The following ZSCAN25 variants were observed in gnomAD, a reference collection of about 807,000 sequenced individuals.
ZSCAN25 encodes zinc finger and SCAN domain-containing protein 25.
In ZSCAN25, 27 loss-of-function variants were observed where a neutral mutation model predicts 38.7. The observed-to-expected ratio is 0.70, with a 90% CI of 0.51 to 0.96. The LOEUF is 0.96. ZSCAN25 is among the 40% of genes least tolerant of loss of function. The pLI is 0.00. For synonymous variants in ZSCAN25, 273 were observed against 277.7 expected (o/e 0.98, Z 0.17); for missense variants, 637 against 705.9 (o/e 0.90, Z 1.11).
chr7:99,720,626 CA>C, the ZSCAN25 span: 1 of 506,294 alleles, frequency 2.0e-6, no homozygotes, highest in South Asian at 2.5e-5. Context: ...TAATGTGGGC[CA>C]AACAGGGAAG....
the ZSCAN25 span, among the ~76,000 whole-genome samples, chr7:99,664,499 T>G: frequency 1.1e-4 from 17 of 152,276 alleles, no homozygotes; most frequent in Admixed American, 3.9e-4. Context: ...TTCCATGGAA[T>G]AAAACTAGAA....
chr7:99,696,329 T>C, the ZSCAN25 span, among the ~76,000 whole-genome samples: 1 of 152,128 alleles, frequency 6.6e-6, no homozygotes, highest in South Asian at 2.1e-4. Context: ...ATGGTGACCA[T>C]GTCTTTAGAA....
At chr7:99,735,640 C>T in the ZSCAN25 span, among the ~76,000 whole-genome samples, 2 of 152,186 alleles carry the variant, frequency 1.3e-5, no homozygotes, top group Admixed American at 1.3e-4. Context: ...AGAGTCTTTC[C>T]TCACCAACCC....
the ZSCAN25 span, chr7:99,670,923 T>G: frequency 2.0e-5 from 3 of 152,166 alleles, no homozygotes; most frequent in African/African-American, 7.2e-5. Flanking sequence ...TCTTTTATAA[T>G]AAAAAATATC....
At chr7:99,673,815 G>A in the ZSCAN25 span, among the ~76,000 whole-genome samples, 1 of 152,322 alleles carries the variant, frequency 6.6e-6, no homozygotes, top group South Asian at 2.1e-4. Context: ...AAGAAGAGGG[G>A]AATAGGCAGA....
the ZSCAN25 span, among the ~76,000 whole-genome samples, chr7:99,734,044 G>A: frequency 2.0e-5 from 3 of 152,228 alleles, no homozygotes; most frequent in East Asian, 3.9e-4. Context: ...TTATCACTCA[G>A]AAGGAACATG....
chr7:99,693,393 T>G, the ZSCAN25 span, among the ~76,000 whole-genome samples: 2 of 152,198 alleles, frequency 1.3e-5, no homozygotes, highest in African/African-American at 2.4e-5. Context: ...TTCTCAGAGC[T>G]CGAATACCGT....
chr7:99,630,495 A>T lies in ZSCAN25; in HGVS notation c.*475A>T. 1 of 996,942 alleles carries T rather than the reference A, an allele frequency of 1.0e-6. No individual in the cohort carries two copies. Among genetic ancestry groups the T allele is most frequent in the Non-Finnish European group, 1.2e-6 (1 of 837,028 alleles). The allele number at this position is 996,942 out of a possible 1,614,324, so 61.8% of individuals were successfully genotyped here. ...ACCTGGCCGTGGGAATGCCGTGGTG[A>T]ATGAGAGACTAGACGTGATGCCTCT... is the stretch of plus-strand genomic sequence containing the variant. On this transcript the variant is annotated 3_prime_UTR_variant, in exon 8 of 8. Transcript: ENST00000394152.
At chr7:99,658,595 G>A in the ZSCAN25 span, among the ~76,000 whole-genome samples, 16 of 152,070 alleles carry the variant, frequency 1.1e-4, no homozygotes, top group African/African-American at 2.9e-4. Context: ...TCTTTGTGGC[G>A]TTCTCTGTAT....
the ZSCAN25 span, among the ~76,000 whole-genome samples, chr7:99,734,731 C>T: frequency 6.6e-6 from 1 of 151,550 alleles, no homozygotes; most frequent in Non-Finnish European, 1.5e-5. Flanking sequence ...AAGCAATTCT[C>T]CTGCCTCAGC....
intron 5 of ZSCAN25, 41 bp from the exon 6 acceptor site, chr7:99,622,508 T>C (rs1454979257): frequency 6.3e-7 from 1 of 1,590,626 alleles, no homozygotes. Flanking sequence ...ATAACATCAC[T>C]GATCCTTCTG....
At chr7:99,673,923 C>G in the ZSCAN25 span, among the ~76,000 whole-genome samples, 2 of 152,148 alleles carry the variant, frequency 1.3e-5, no homozygotes, top group African/African-American at 4.8e-5. Context: ...CTGAAGACCT[C>G]GATACCTGGT....
At chr7:99,638,825 C>T in the ZSCAN25 span, 33 of 700,770 alleles carry the variant, frequency 4.7e-5, 1 homozygote, top group Middle Eastern at 7.5e-4. Context: ...CAGCCAACAA[C>T]GCCGCCGCCG....
chr7:99,707,109 A>G, the ZSCAN25 span, among the ~76,000 whole-genome samples: 4 of 152,204 alleles, frequency 2.6e-5, no homozygotes, highest in African/African-American at 9.6e-5. Flanking sequence ...AAAGATAAGA[A>G]CAGAATGAGG....
At chr7:99,736,407 A>C in the ZSCAN25 span, among the ~76,000 whole-genome samples, 1 of 152,280 alleles carries the variant, frequency 6.6e-6, no homozygotes, top group South Asian at 2.1e-4. Context: ...AGGATTTTCT[A>C]ATGGGAGGAG....
At chr7:99,620,095 G>T in intron 4 of ZSCAN25, 102 bp downstream of exon 4, 1 of 1,430,410 alleles carries the variant, frequency 7.0e-7, no homozygotes. Flanking sequence ...GAGGTGTGGA[G>T]CCGCCCTCCT....
chr7:99,687,781 G>C, the ZSCAN25 span, among the ~76,000 whole-genome samples: 3 of 152,152 alleles, frequency 2.0e-5, no homozygotes, highest in Non-Finnish European at 4.4e-5. Flanking sequence ...GAAAGGTCGG[G>C]TTACCCACAA....
the ZSCAN25 span, among the ~76,000 whole-genome samples, chr7:99,641,822 T>A: frequency 6.6e-6 from 1 of 152,192 alleles, no homozygotes; most frequent in Non-Finnish European, 1.5e-5. Flanking sequence ...AGGCTTCAGG[T>A]CCAATCCACC....
the ZSCAN25 span, chr7:99,665,149 A>G: frequency 7.0e-6 from 11 of 1,569,010 alleles, no homozygotes; most frequent in Non-Finnish European, 8.7e-6. Flanking sequence ...GAGAGAAAGA[A>G]ATAATAGCCC....
Sources: allele counts gnomAD v4.1 joint callset (sites outside exome capture counted in the v4.1 genomes callset), GRCh38; gene constraint gnomAD v4.1.1; transcripts MANE v1.5; gene names NCBI Gene and HGNC (gene_info 2026-07-23, HGNC 2026-07-21).